Variants in CSMD1 observed in about 807,000 individuals in gnomAD.
The protein encoded by CSMD1 is CUB and sushi domain-containing protein 1.
A neutral mutation model predicts 417.5 loss-of-function variants in CSMD1; 213 were observed. The observed-to-expected ratio is 0.51, with a 90% CI of 0.46 to 0.57. CSMD1 has a LOEUF of 0.57. Ranked by LOEUF, CSMD1 falls within the 20% of genes least tolerant of loss-of-function variation. The probability of loss-of-function intolerance (pLI) is 0.00; values close to 1 mark genes in which losing one functional copy is unlikely to be tolerated. For missense variants in CSMD1, 6,923 were observed against 4,529.7 expected (o/e 1.53, Z -15.17); for synonymous variants, 2,862 against 1,736.8 (o/e 1.65, Z -16.11).
At chr8:3,762,105 G>T (rs956640424) in intron 5 of CSMD1, among the ~76,000 whole-genome samples, 17 of 152,042 alleles carry the variant, frequency 1.1e-4, no homozygotes, top group Non-Finnish European at 2.9e-5. Flanking sequence ...ACTCACTCCA[G>T]CTTGGCTCAT....
intron 1 of CSMD1, among the ~76,000 whole-genome samples, chr8:4,719,796 T>C (rs988208436): frequency 6.6e-6 from 1 of 152,206 alleles, no homozygotes; most frequent in Non-Finnish European, 1.5e-5. Context: ...TTTGAGAGCT[T>C]GAACTATTGC....
intron 3 of CSMD1, among the ~76,000 whole-genome samples, chr8:4,182,235 AG>A (rs1563234993): frequency 6.6e-6 from 1 of 152,172 alleles, no homozygotes; most frequent in African/African-American, 2.4e-5. Context: ...ATGATACATA[AG>A]AAAAAAACGG....
At chr8:4,983,354 A>G (rs1811000704) in intron 1 of CSMD1, among the ~76,000 whole-genome samples, 2 of 152,248 alleles carry the variant, frequency 1.3e-5, no homozygotes, top group African/African-American at 4.8e-5. Context: ...AATCAAGTAT[A>G]TTACATAGAC....
intron 3 of CSMD1, among the ~76,000 whole-genome samples, chr8:4,363,437 T>C (rs1174883973): frequency 1.3e-5 from 2 of 152,130 alleles, no homozygotes; most frequent in East Asian, 3.9e-4. Context: ...CCTGCTCCCC[T>C]CATTTAGGGT....
At chr8:4,478,710 G>C (rs752964608) in intron 2 of CSMD1, among the ~76,000 whole-genome samples, 7 of 152,166 alleles carry the variant, frequency 4.6e-5, no homozygotes, top group Non-Finnish European at 8.8e-5. Flanking sequence ...TTGTAAAGCT[G>C]ATTCTTCTCC....
At chr8:4,555,482 G>T (rs533419229) in intron 2 of CSMD1, among the ~76,000 whole-genome samples, 2 of 152,150 alleles carry the variant, frequency 1.3e-5, no homozygotes, top group Non-Finnish European at 2.9e-5. Flanking sequence ...TGAAACAGGT[G>T]AAGCTAGCCT....
At chr8:4,093,106 C>A (rs1024603661) in intron 3 of CSMD1, among the ~76,000 whole-genome samples, 1 of 152,090 alleles carries the variant, frequency 6.6e-6, no homozygotes, top group Non-Finnish European at 1.5e-5. Flanking sequence ...CTCAAAGGCC[C>A]TTGTGCCTAA....
intron 7 of CSMD1, among the ~76,000 whole-genome samples, chr8:3,700,957 C>G (rs1300936675): frequency 6.6e-6 from 1 of 151,404 alleles, no homozygotes; most frequent in Non-Finnish European, 1.5e-5. Flanking sequence ...CAGGGAGAGG[C>G]TGAGGATGAC....
intron 3 of CSMD1, among the ~76,000 whole-genome samples, chr8:4,397,229 GTTTA>G (rs943204528): frequency 9.3e-5 from 14 of 150,892 alleles, no homozygotes; most frequent in African/African-American, 3.2e-4. Flanking sequence ...GCTCCCTTCT[GTTTA>G]TTTAGCGTGT....
At chr8:3,995,559 G>A (rs542803793) in intron 5 of CSMD1, among the ~76,000 whole-genome samples, 3 of 152,306 alleles carry the variant, frequency 2.0e-5, no homozygotes, top group South Asian at 2.1e-4. Flanking sequence ...TACATAGAGA[G>A]AAGAAAATGC....
intron 1 of CSMD1, among the ~76,000 whole-genome samples, chr8:4,871,798 T>C (rs1026058255): frequency 1.3e-5 from 2 of 152,132 alleles, no homozygotes; most frequent in African/African-American, 2.4e-5. Context: ...TTGTACACTT[T>C]TGAAAAACCT....
intron 2 of CSMD1, among the ~76,000 whole-genome samples, chr8:4,456,613 G>A (rs1424910819): frequency 3.3e-5 from 5 of 152,076 alleles, no homozygotes; most frequent in South Asian, 2.1e-4. Flanking sequence ...AAGAGTAGAG[G>A]CAATATTAAA....
At chr8:3,313,359 C>T (rs905002442) in intron 23 of CSMD1, among the ~76,000 whole-genome samples, 1 of 152,040 alleles carries the variant, frequency 6.6e-6, no homozygotes, top group Admixed American at 6.5e-5. Context: ...AAAATTTTTG[C>T]AATCTACTCA....
chr8:3,337,756 G>T (rs1408219402), intron 23 of CSMD1, among the ~76,000 whole-genome samples: 1 of 152,162 alleles, frequency 6.6e-6, no homozygotes, highest in Non-Finnish European at 1.5e-5. Flanking sequence ...GGCCTAATGG[G>T]TAGAGAGAAA....
intron 1 of CSMD1, among the ~76,000 whole-genome samples, chr8:4,746,815 T>C (rs1390689164): frequency 1.3e-5 from 2 of 152,202 alleles, no homozygotes; most frequent in Non-Finnish European, 2.9e-5. Context: ...GTGTGGGTTC[T>C]CTCTCAGAGA....
chr8:3,388,130 TACATACACCCAA>T (rs1811126070), intron 17 of CSMD1, among the ~76,000 whole-genome samples: 1 of 152,202 alleles, frequency 6.6e-6, no homozygotes, highest in Non-Finnish European at 1.5e-5. Context: ...AATAAATGCA[TACATACACCCAA>T]ACATATACAC....
intron 3 of CSMD1, among the ~76,000 whole-genome samples, chr8:4,406,847 A>C (rs1303764656): frequency 6.6e-6 from 1 of 152,198 alleles, no homozygotes; most frequent in African/African-American, 2.4e-5. Flanking sequence ...AAACTATTAA[A>C]ATGTCCACTG....
intron 8 of CSMD1, 134 bp from the exon 9 acceptor site, chr8:3,586,394 T>G (rs1800603614): frequency 3.7e-6 from 3 of 804,074 alleles, no homozygotes; most frequent in Non-Finnish European, 5.6e-6. Context: ...AGCAACTCAT[T>G]AGGTAGTATG....
chr8:4,679,846 T>C (rs1031775145), intron 1 of CSMD1, among the ~76,000 whole-genome samples: 3 of 152,138 alleles, frequency 2.0e-5, no homozygotes, highest in Non-Finnish European at 4.4e-5. Context: ...ATAGATTAAA[T>C]ATGTAAAATA....
Sources: allele counts gnomAD v4.1 joint callset (sites outside exome capture counted in the v4.1 genomes callset), GRCh38; gene constraint gnomAD v4.1.1; transcripts MANE v1.5; gene names NCBI Gene and HGNC (gene_info 2026-07-23, HGNC 2026-07-21).